Variants in PLD1 observed in about 807,000 individuals in gnomAD.
The protein encoded by PLD1 is choline phosphatase 1.
Under a neutral mutation model 137.1 loss-of-function variants are expected in PLD1, and 112 were observed. That is an observed-to-expected ratio of 0.82 (90% CI 0.70 to 0.96). The LOEUF (loss-of-function observed/expected upper bound fraction) is 0.96, where lower values mean the gene tolerates loss of function less well. Among genes scored for constraint, PLD1 ranks in the 40% least tolerant of loss-of-function variants. The pLI, the probability that PLD1 is intolerant of heterozygous loss-of-function variation, is 0.00. For missense variants in PLD1, 1,321 were observed against 1,342.0 expected (o/e 0.98, Z 0.24); for synonymous variants, 431 against 454.7 (o/e 0.95, Z 0.66).
chr3:171,718,388 C>T (rs750054481), intron 8 of PLD1, among the ~76,000 whole-genome samples: 10 of 152,120 alleles, frequency 6.6e-5, no homozygotes, highest in African/African-American at 2.2e-4. Flanking sequence ...TTCTATAAGA[C>T]GTACAAAGAA....
In PLD1 at chr3:171,601,465, T is replaced by C. The variant is rs1186817372; in HGVS notation, c.*1613A>G. ...TAGAATGAAGTCATTTTACCATCTT[T>C]AGCCATATGAAAAATAAGTTATTTA... is the stretch of plus-strand genomic sequence containing the variant. On this transcript the variant is annotated 3_prime_UTR_variant, in exon 27 of 27. Coordinates refer to ENST00000351298, the MANE Select transcript of PLD1 (RefSeq NM_002662.5). 2.0e-5 allele frequency: 3 copies of C among 149,960 alleles called. No individual in the cohort carries two copies. The highest frequency in any genetic ancestry group is 4.4e-5 in the Non-Finnish European group (3 of 67,832). The allele number at this position is 149,960 out of a possible 1,614,324, so 9.3% of individuals were successfully genotyped here.
At chr3:171,761,879 C>T (rs141659355) in intron 1 of PLD1, among the ~76,000 whole-genome samples, 138 of 152,260 alleles carry the variant, frequency 9.1e-4, no homozygotes, top group African/African-American at 3.3e-3. Context: ...CGTTAACACA[C>T]ATTTTCTTAA....
intron 8 of PLD1, 21 bp from the exon 9 acceptor site, chr3:171,714,066 T>C (rs766313664): frequency 1.6e-4 from 232 of 1,467,836 alleles, no homozygotes; most frequent in Non-Finnish European, 2.1e-4. Flanking sequence ...GTAGTAAGTA[T>C]TTTTAAAAGT....
At chr3:171,648,439 G>T (rs1736450947) in intron 21 of PLD1, among the ~76,000 whole-genome samples, 2 of 152,036 alleles carry the variant, frequency 1.3e-5, no homozygotes, top group Admixed American at 6.5e-5. Context: ...GAATTTATAA[G>T]AATATATGTA....
chr3:171,751,519 A>G (rs1445661796), intron 1 of PLD1, among the ~76,000 whole-genome samples: 1 of 152,240 alleles, frequency 6.6e-6, no homozygotes, highest in Non-Finnish European at 1.5e-5. Flanking sequence ...ATAGGAGATC[A>G]ATTCTAAATT....
Position 171,733,518 on chromosome 3 carries a change from C to T in PLD1, c.541-9G>A. The T allele has an allele frequency of 8.9e-7, 1 of 1,119,880 alleles. No homozygotes were observed. Among genetic ancestry groups the T allele is most frequent in the Non-Finnish European group, 1.4e-6 (1 of 738,058 alleles). The allele number at this position is 1,119,880 out of a possible 1,614,324, so 69.4% of individuals were successfully genotyped here. On this transcript the variant is annotated splice_polypyrimidine_tract_variant and intron_variant, in intron 5 of 26. Transcript: ENST00000351298. ...TAATCTTCCAGTTGTTTCTGTAATG[C>T]AAATATTTTAGATAAGTGTTAACAT...
chr3:171,606,699 A>G (rs79154065), intron 25 of PLD1, among the ~76,000 whole-genome samples: 5,828 of 152,328 alleles, frequency 0.038, 174 homozygotes, highest in East Asian at 0.13. Flanking sequence ...AAATAAATGT[A>G]GATTTGCATC....
chr3:171,754,001 C>T (rs963758154), intron 1 of PLD1, among the ~76,000 whole-genome samples: 16 of 152,158 alleles, frequency 1.1e-4, no homozygotes, highest in Admixed American at 9.2e-4. Flanking sequence ...TCCTATCATC[C>T]ATTGGGACTC....
At chr3:171,667,833 C>T (rs2108453377) in intron 19 of PLD1, among the ~76,000 whole-genome samples, 1 of 152,336 alleles carries the variant, frequency 6.6e-6, no homozygotes, top group East Asian at 1.9e-4. Flanking sequence ...CTCACTGTAA[C>T]TTCTGCCTCC....
intron 1 of PLD1, among the ~76,000 whole-genome samples, chr3:171,739,106 G>A (rs1267238285): frequency 6.6e-6 from 1 of 152,184 alleles, no homozygotes; most frequent in African/African-American, 2.4e-5. Context: ...CACCTGATAT[G>A]GGTGAGGAAA....
intron 7 of PLD1, among the ~76,000 whole-genome samples, chr3:171,725,036 C>T (rs1327129533): frequency 6.6e-6 from 1 of 152,150 alleles, no homozygotes; most frequent in Admixed American, 6.5e-5. Context: ...TTGTGCACTA[C>T]ACAGGACCTT....
chr3:171,675,625 A>G (rs1168401452), intron 18 of PLD1, among the ~76,000 whole-genome samples: 1 of 152,160 alleles, frequency 6.6e-6, no homozygotes, highest in Non-Finnish European at 1.5e-5. Flanking sequence ...TAAAAGTAAC[A>G]CCCCATTTGT....
intron 12 of PLD1, among the ~76,000 whole-genome samples, chr3:171,693,959 G>T (rs1023767875): frequency 6.6e-6 from 1 of 152,046 alleles, no homozygotes; most frequent in Non-Finnish European, 1.5e-5. Flanking sequence ...AGGAGTTAAT[G>T]TTTTTAGATT....
chr3:171,682,462 T>C (rs376623801), intron 16 of PLD1, among the ~76,000 whole-genome samples: 1 of 152,224 alleles, frequency 6.6e-6, no homozygotes, highest in Non-Finnish European at 1.5e-5. Context: ...GAAATTGATA[T>C]TGCAGAGAGG....
intron 11 of PLD1, 53 bp downstream of exon 11, chr3:171,708,702 C>T (rs371559452): frequency 4.4e-5 from 41 of 925,572 alleles, no homozygotes; most frequent in Non-Finnish European, 6.9e-5. Context: ...TACCACTGTA[C>T]ATTTCTAAAC....
chr3:171,634,896 C>T (rs549239292), intron 23 of PLD1, among the ~76,000 whole-genome samples: 2 of 152,128 alleles, frequency 1.3e-5, no homozygotes, highest in South Asian at 2.1e-4. Flanking sequence ...TTTTATCACT[C>T]CCCCAAAAAA....
intron 20 of PLD1, among the ~76,000 whole-genome samples, chr3:171,660,350 C>T (rs907441813): frequency 1.3e-5 from 2 of 152,162 alleles, no homozygotes; most frequent in African/African-American, 4.8e-5. Flanking sequence ...TCATTGGCAA[C>T]CAAACCATGT....
intron 1 of PLD1, among the ~76,000 whole-genome samples, chr3:171,794,268 A>G (rs1023209279): frequency 2.6e-5 from 4 of 152,228 alleles, no homozygotes; most frequent in Admixed American, 6.5e-5. Flanking sequence ...GTTATTAGTT[A>G]TTGTTAATCT....
intron 21 of PLD1, among the ~76,000 whole-genome samples, chr3:171,645,883 C>CAAAAAAAAAAAAAAAAAAAAAA (rs1162718346): frequency 1.7e-5 from 1 of 59,204 alleles, no homozygotes; most frequent in Non-Finnish European, 3.4e-5. Flanking sequence ...GACTCCATCT[C>CAAAAAAAAAAAAAAAAAAAAAA]AAAAAAAAAA....
Sources: allele counts gnomAD v4.1 joint callset (sites outside exome capture counted in the v4.1 genomes callset), GRCh38; gene constraint gnomAD v4.1.1; transcripts MANE v1.5; gene names NCBI Gene and HGNC (gene_info 2026-07-23, HGNC 2026-07-21).